Variants in CPEB2 observed in about 807,000 individuals in gnomAD.
CPEB2 encodes cytoplasmic polyadenylation element binding protein 2, also known as cytoplasmic polyadenylation element-binding protein 2.
CPEB2 carries 56 observed loss-of-function variants against 93.6 expected under a neutral mutation model. The observed-to-expected ratio is 0.60, with a 90% CI of 0.48 to 0.75. The LOEUF is 0.75. Among genes scored for constraint, CPEB2 ranks in the 30% least tolerant of loss-of-function variants. CPEB2 has a pLI of 0.00. For missense variants in CPEB2, 1,579 were observed against 1,395.1 expected (o/e 1.13, Z -2.10); for synonymous variants, 764 against 586.3 (o/e 1.30, Z -4.38).
At chr4:15,010,740 A>G (rs930622162) in intron 3 of CPEB2, among the ~76,000 whole-genome samples, 1 of 152,318 alleles carries the variant, frequency 6.6e-6, no homozygotes, top group Non-Finnish European at 1.5e-5. Flanking sequence ...GTTAACAAGT[A>G]CATTATTTTA....
intron 4 of CPEB2, among the ~76,000 whole-genome samples, chr4:15,025,543 G>A (rs1157218708): frequency 6.6e-6 from 1 of 151,874 alleles, no homozygotes; most frequent in Non-Finnish European, 1.5e-5. Context: ...CCATGCCTGT[G>A]TCTAGGTCTT....
intron 10 of CPEB2, 45 bp downstream of exon 10, chr4:15,059,346 A>G (rs1197606800): frequency 4.1e-6 from 5 of 1,221,598 alleles, no homozygotes; most frequent in Non-Finnish European, 6.0e-6. Flanking sequence ...TCATTTAAAT[A>G]TGTCCTAGTC....
In CPEB2 at chr4:15,004,189, A is replaced by T. The variant is rs1254011231; in HGVS notation, c.1516A>T (p.Asn506Tyr). 7.4e-7 allele frequency: 1 copy of T among 1,350,638 alleles called. No individual in the cohort carries two copies. 83.7% of individuals were successfully genotyped at this position (1,350,638 alleles called of 1,614,324 possible). The part of the protein sequence containing the change: ...AVPPPPPPAM[N>Y]IPQQQPPPPA... Reference sequence around the variant, plus strand: ...GCCCCCTCCGCCGCCGCCCGCCATGAATATACCTCAACAGCAGCCCCCGCC... The same window carrying T: ...GCCCCCTCCGCCGCCGCCCGCCATGTATATACCTCAACAGCAGCCCCCGCC... Residue 506 changes from asparagine (N) to tyrosine (Y), a missense_variant, in exon 1 of 12, where the codon AAT (asparagine) becomes TAT (tyrosine). Coordinates refer to ENST00000538197, the MANE Select transcript of CPEB2 (RefSeq NM_001177382.2).
At chr4:15,058,909 G>A (rs1728948961) in intron 9 of CPEB2, among the ~76,000 whole-genome samples, 1 of 152,142 alleles carries the variant, frequency 6.6e-6, no homozygotes. Context: ...AATGCCTGAT[G>A]ATCTGAGGTG....
Position 15,007,360 on chromosome 4 carries a change from G to C in CPEB2, c.1718G>C (p.Gly573Ala). The stretch of plus-strand genomic sequence containing the variant: ...CATCAGAGCAGTGGCTGGGGCACTG[G>C]AAGTATGTCCTGGGGAGCAATGCAT... ...SNHQSSGWGT[G>A]SMSWGAMHGR... The change falls in exon 2 of 12, where the codon GGA (glycine) becomes GCA (alanine). Residue 573 changes from glycine to alanine, a missense_variant. Transcript: ENST00000538197. 6.2e-7 allele frequency: 1 copy of C among 1,601,354 alleles called. No homozygotes were observed. The highest frequency in any genetic ancestry group is 1.1e-5 in the South Asian group (1 of 89,402).
chr4:15,049,418 CT>C (rs1411053153), intron 6 of CPEB2, among the ~76,000 whole-genome samples: 1 of 149,604 alleles, frequency 6.7e-6, no homozygotes, highest in Non-Finnish European at 1.5e-5. Context: ...TATTGTACAT[CT>C]GAAATAAATA....
chr4:15,039,320 T>C (rs922294302), intron 5 of CPEB2, among the ~76,000 whole-genome samples: 1 of 152,208 alleles, frequency 6.6e-6, no homozygotes, highest in Non-Finnish European at 1.5e-5. Flanking sequence ...CACTTCCTTG[T>C]AGTAAAGCAT....
Position 15,069,394 on chromosome 4 carries a change from A to G in CPEB2, c.*3014A>G, listed in dbSNP as rs1577485155. 6.6e-6 allele frequency: 1 copy of G among 152,324 alleles called. No homozygotes were observed. The highest frequency in any genetic ancestry group is 1.9e-4 in the East Asian group (1 of 5,152). The allele number at this position is 152,324 out of a possible 1,614,324, so 9.4% of individuals were successfully genotyped here. On this transcript the variant is annotated 3_prime_UTR_variant, in exon 12 of 12. Coordinates refer to ENST00000538197, the MANE Select transcript of CPEB2 (RefSeq NM_001177382.2). ...AATGCAAATTTATTTTTTTCATTGC[A>G]TATTTTGCAGATTTTATCCACAGTG...
At chr4:15,039,873 A>G (rs1360727816) in intron 5 of CPEB2, among the ~76,000 whole-genome samples, 1 of 152,152 alleles carries the variant, frequency 6.6e-6, no homozygotes, top group African/African-American at 2.4e-5. Context: ...TATTAGCTAT[A>G]GTAATTTCTC....
chr4:15,008,224 A>G, intron 2 of CPEB2, 114 bp from the exon 3 acceptor site: 1 of 641,240 alleles, frequency 1.6e-6, no homozygotes, highest in Non-Finnish European at 2.7e-6. Context: ...CCTTTAGAGG[A>G]TGGAATGAGG....
rs920277251 is a variant in CPEB2 at position 15,002,876 on chromosome 4, C to T, written c.203C>T (p.Pro68Leu). ...GAGGCCGCCTCCCCCTTCTCCGTCCCCCTCGGCGGCGGCGCGGGCAGCCCG... is the reference window on the plus strand; with the variant it reads ...GAGGCCGCCTCCCCCTTCTCCGTCCTCCTCGGCGGCGGCGCGGGCAGCCCG... ...FLEAASPFSVPLGGGAGSPAA... is the reference protein window; with the variant it reads ...FLEAASPFSVLLGGGAGSPAA... The change falls in exon 1 of 12, where the codon CCC becomes CTC. Residue 68 changes from proline to leucine, a missense_variant. Transcript: ENST00000538197. The T allele has an allele frequency of 1.6e-5, 24 of 1,519,184 alleles. No individual in the cohort carries two copies. The highest frequency in any genetic ancestry group is 2.0e-5 in the Non-Finnish European group (23 of 1,142,444). The allele number at this position is 1,519,184 out of a possible 1,614,324, so 94.1% of individuals were successfully genotyped here. A position where few individuals can be genotyped will look rare whatever the true frequency, so the allele number is the denominator to read the frequency against.
rs2109127645 is a variant in CPEB2, at chr4:15,069,615, G to A, written c.*3235G>A. 1 of 151,104 alleles carries A rather than the reference G, an allele frequency of 6.6e-6. No individual in the cohort carries two copies. The allele number at this position is 151,104 out of a possible 1,614,324, so 9.4% of individuals were successfully genotyped here. A position where few individuals can be genotyped will look rare whatever the true frequency, so the allele number is the denominator to read the frequency against. On this transcript the variant is annotated 3_prime_UTR_variant, in exon 12 of 12. Coordinates refer to ENST00000538197, the MANE Select transcript of CPEB2 (RefSeq NM_001177382.2). The stretch of plus-strand genomic sequence containing the variant: ...TATTTTAATAGTAGTAAAATACTTG[G>A]AATAATTTTTCATATTCTTGTCATT...
At chr4:15,057,349 T>C (rs1337764257) in intron 8 of CPEB2, among the ~76,000 whole-genome samples, 3 of 152,188 alleles carry the variant, frequency 2.0e-5, no homozygotes, top group Non-Finnish European at 2.9e-5. Flanking sequence ...AGTACTTTAG[T>C]GTCACATCAG....
At chr4:15,048,140 A>G (rs1175651299) in intron 6 of CPEB2, among the ~76,000 whole-genome samples, 1 of 151,748 alleles carries the variant, frequency 6.6e-6, no homozygotes, top group Non-Finnish European at 1.5e-5. Context: ...CTGCCAATAT[A>G]TTTTTTAGGA....
intron 4 of CPEB2, among the ~76,000 whole-genome samples, chr4:15,028,631 A>T (rs1362932943): frequency 6.6e-6 from 1 of 152,132 alleles, no homozygotes; most frequent in Non-Finnish European, 1.5e-5. Flanking sequence ...GGGATAGAGA[A>T]AGAAGCTGCT....
intron 5 of CPEB2, among the ~76,000 whole-genome samples, chr4:15,038,688 AAGC>A (rs1411242787): frequency 1.3e-5 from 2 of 151,570 alleles, no homozygotes; most frequent in Non-Finnish European, 2.9e-5. Flanking sequence ...TCCAGGGTTC[AAGC>A]AACTCTCCTG....
chr4:15,031,943 G>C (rs1026694917), intron 4 of CPEB2, among the ~76,000 whole-genome samples: 14 of 152,042 alleles, frequency 9.2e-5, no homozygotes, highest in African/African-American at 2.9e-4. Flanking sequence ...ATCTGTAGAG[G>C]ACTTGCTGAG....
chr4:15,011,352 C>A (rs980791268), intron 3 of CPEB2, among the ~76,000 whole-genome samples: 3 of 152,068 alleles, frequency 2.0e-5, no homozygotes, highest in Admixed American at 6.5e-5. Context: ...CCGCCCGCCT[C>A]GGCCTCCAGA....
rs1013143521 is a variant in CPEB2, at chr4:15,008,406, C to G, written c.2013C>G (p.Ala671=). 7 of 1,613,262 alleles carry G rather than the reference C, an allele frequency of 4.3e-6. No individual in the cohort carries two copies. Among genetic ancestry groups the G allele is most frequent in the Non-Finnish European group, 5.9e-6 (7 of 1,179,504 alleles). The change falls in exon 3 of 12, where the codon GCC becomes GCG. Residue 671 remains alanine (A), a synonymous_variant. Coordinates refer to ENST00000538197, the MANE Select transcript of CPEB2 (RefSeq NM_001177382.2). ...TCCAAGATAGTTGGTGCACTGCAGC[C>G]GGAACATCCAGAATAGACCAGGTAG... ...DSLQDSWCTA[A]GTSRIDQDRS...
Sources: allele counts gnomAD v4.1 joint callset (sites outside exome capture counted in the v4.1 genomes callset), GRCh38; gene constraint gnomAD v4.1.1; transcripts MANE v1.5; gene names NCBI Gene and HGNC (gene_info 2026-07-23, HGNC 2026-07-21).